PIAS4: variants seen among roughly 807,000 people sequenced by gnomAD.
PIAS4 encodes the protein E3 SUMO-protein ligase PIAS4.
Under a neutral mutation model 58.0 loss-of-function variants are expected in PIAS4, and 7 were observed. The observed-to-expected ratio is 0.12, with a 90% CI of 0.07 to 0.23. The LOEUF is 0.23. Among genes scored for constraint, PIAS4 ranks in the 10% least tolerant of loss-of-function variants. The pLI is 1.00. For synonymous variants in PIAS4, 364 were observed against 312.4 expected (o/e 1.17, Z -1.74); for missense variants, 550 against 709.5 (o/e 0.78, Z 2.55).
intron 3 of PIAS4, among the ~76,000 whole-genome samples, chr19:4,025,118 C>T (rs567310772): frequency 1.3e-5 from 2 of 152,300 alleles, no homozygotes; most frequent in Non-Finnish European, 2.9e-5. Context: ...CCCTCCATAC[C>T]GTGGATAGTG....
At chr19:4,036,067 A>G (rs1381019917) in intron 9 of PIAS4, among the ~76,000 whole-genome samples, 4 of 88,768 alleles carry the variant, frequency 4.5e-5, no homozygotes, top group African/African-American at 1.0e-4. Context: ...TACAGTCCAC[A>G]CTGTCACACA....
In PIAS4 at chr19:4,038,168, C is replaced by T. The variant is rs2040322878; in HGVS notation, c.*293C>T. 3 of 369,494 alleles carry T rather than the reference C, an allele frequency of 8.1e-6. No individual in the cohort carries two copies. The highest frequency in any genetic ancestry group is 9.8e-6 in the Non-Finnish European group (2 of 203,538). 22.9% of individuals were successfully genotyped at this position (369,494 alleles called of 1,614,324 possible). A position where few individuals can be genotyped will look rare whatever the true frequency, so the allele number is the denominator to read the frequency against. ...GCCGCCTCCCCGGCTGGAGTCCGAG[C>T]CGGGAAGGGGTAGTGGGCGGGAGGG... On this transcript the variant is annotated 3_prime_UTR_variant, in exon 11 of 11. Coordinates refer to ENST00000262971, the MANE Select transcript of PIAS4 (RefSeq NM_015897.4). This position sits in a 1 kb window ranked among gnomAD's most constrained non-coding sequence, Gnocchi z 4.1.
At position 4,028,536 on chromosome 19, in the gene PIAS4, C is replaced by A; in HGVS notation, c.608C>A (p.Pro203His). 1 of 1,612,988 alleles carries A rather than the reference C, an allele frequency of 6.2e-7. No homozygotes were observed. Among genetic ancestry groups the A allele is most frequent in the Non-Finnish European group, 8.5e-7 (1 of 1,179,884 alleles). ...ATCTGTTACTCAGACACCAGCTGCC[C>A]TCAGGAGGACCAGTACCCGCCCAAC... ...LRICYSDTSC[P>H]QEDQYPPNIA... Residue 203 changes from proline (P) to histidine (H), a missense_variant, in exon 5 of 11, where the codon CCT becomes CAT. This residue lies in a region of PIAS4 where 225 missense variants were observed against 345.8 expected (regional missense o/e 0.65). Transcript: ENST00000262971.
intron 3 of PIAS4, among the ~76,000 whole-genome samples, chr19:4,025,903 C>G (rs142255190): frequency 3.3e-5 from 5 of 151,836 alleles, no homozygotes; most frequent in African/African-American, 1.2e-4. Context: ...GAAACCCCGT[C>G]TCTACCAAAC....
At chr19:4,010,189 TC>T (rs1157130375) in intron 1 of PIAS4, among the ~76,000 whole-genome samples, 1 of 151,842 alleles carries the variant, frequency 6.6e-6, no homozygotes, top group African/African-American at 2.4e-5. Context: ...TGAATGCTTG[TC>T]CCCCCCGCAC....
At chr19:4,028,658 T>C (rs972536218) in intron 5 of PIAS4, 58 bp downstream of exon 5, 1 of 1,603,280 alleles carries the variant, frequency 6.2e-7, no homozygotes, top group Admixed American at 1.7e-5. Context: ...GGAGGGAGGG[T>C]GGGGGCCGTC....
At chr19:4,008,018 C>T (rs2039959722) in intron 1 of PIAS4, among the ~76,000 whole-genome samples, 1 of 151,404 alleles carries the variant, frequency 6.6e-6, no homozygotes, top group Non-Finnish European at 1.5e-5. Context: ...GGGTCGCTCC[C>T]CCGGCTTCAG....
At chr19:4,019,596 A>G (rs954172424) in intron 2 of PIAS4, among the ~76,000 whole-genome samples, 2 of 152,178 alleles carry the variant, frequency 1.3e-5, no homozygotes, top group Admixed American at 1.3e-4. Context: ...GCTCCCGTGC[A>G]GCCTCCCTGC....
intron 2 of PIAS4, among the ~76,000 whole-genome samples, chr19:4,021,828 C>G (rs143768259): frequency 5.6e-4 from 84 of 150,246 alleles, no homozygotes; most frequent in African/African-American, 2.0e-3. Flanking sequence ...TCACTGCAGC[C>G]TCCACTTCCT....
intron 3 of PIAS4, among the ~76,000 whole-genome samples, chr19:4,025,931 G>A (rs966859157): frequency 1.3e-5 from 2 of 151,454 alleles, no homozygotes; most frequent in Admixed American, 6.6e-5. Context: ...AAAATTAGCC[G>A]GGTGTGGTGA....
chr19:4,035,829 A>C (rs2040270478), intron 9 of PIAS4, among the ~76,000 whole-genome samples: 9 of 149,218 alleles, frequency 6.0e-5, no homozygotes, highest in Admixed American at 1.3e-4. Context: ...AGTCCACACC[A>C]TCACACACAC....
At chr19:4,009,696 C>T (rs1599212263) in intron 1 of PIAS4, among the ~76,000 whole-genome samples, 2 of 152,158 alleles carry the variant, frequency 1.3e-5, no homozygotes, top group East Asian at 3.9e-4. Context: ...CTCCAAGTAC[C>T]TTAAATGTCA....
intron 8 of PIAS4, 110 bp from the exon 9 acceptor site, chr19:4,033,310 T>C (rs2040241298): frequency 1.5e-6 from 2 of 1,320,564 alleles, no homozygotes; most frequent in Non-Finnish European, 2.1e-6. Context: ...TCCGTGTTCC[T>C]GAGGCATGAG....
In PIAS4 at chr19:4,028,496, T is replaced by C. The variant is rs760636057; in HGVS notation, c.582-14T>C. On this transcript the variant is annotated splice_polypyrimidine_tract_variant and intron_variant, in intron 4 of 10. Transcript: ENST00000262971. ...CGCCCCCTCCCCGCCCCATGGTCCC[T>C]GTTGTCGTTGCAGAATCTGTTACTC... is the stretch of plus-strand genomic sequence containing the variant. 2.5e-6 allele frequency: 4 copies of C among 1,601,300 alleles called. No individual in the cohort carries two copies. The South Asian group carries it at 4.4e-5, about 18-fold the overall frequency.
At chr19:4,022,352 T>G (rs1568215655) in intron 2 of PIAS4, among the ~76,000 whole-genome samples, 2 of 152,102 alleles carry the variant, frequency 1.3e-5, no homozygotes, top group Non-Finnish European at 1.5e-5. Flanking sequence ...TGTTGTTGTT[T>G]TTGGTGGTTT....
intron 2 of PIAS4, among the ~76,000 whole-genome samples, chr19:4,023,169 T>A: frequency 2.0e-5 from 2 of 98,914 alleles, no homozygotes; most frequent in Admixed American, 1.1e-4. Context: ...TGAAACAAAG[T>A]CTCAAAAAAA....
intron 9 of PIAS4, among the ~76,000 whole-genome samples, chr19:4,034,369 G>A (rs996836800): frequency 1.3e-4 from 20 of 152,178 alleles, no homozygotes; most frequent in African/African-American, 4.8e-4. Context: ...TTCATCCCCA[G>A]GTGGACCTCC....
rs201769712 is a variant in PIAS4, at chr19:4,025,669, A to ACCTCGTCTTTCTCAG, written c.539+1559_539+1573dup. ...TCTGCCTGGGTGACCCAAGGTGGCGACCTCGTCTTTCTCAGCCTCGTCTTC... is the reference window on the plus strand; with the variant it reads ...TCTGCCTGGGTGACCCAAGGTGGCGACCTCGTCTTTCTCAGCCTCGTCTTTCTCAGCCTCGTCTTC... On this transcript the variant is annotated intron_variant, in intron 3 of 10. Coordinates refer to ENST00000262971, the MANE Select transcript of PIAS4 (RefSeq NM_015897.4). Among the ~76,000 whole-genome samples, 40 of 22,332 alleles carry ACCTCGTCTTTCTCAG rather than the reference A, an allele frequency of 1.8e-3. 1 individual carries two copies. In the South Asian group the frequency reaches 0.025, roughly 14 times the overall value. 14.7% of individuals were successfully genotyped at this position (22,332 alleles called of 152,430 possible).
intron 3 of PIAS4, among the ~76,000 whole-genome samples, chr19:4,025,934 T>G (rs1363372698): frequency 6.6e-6 from 1 of 151,152 alleles, no homozygotes; most frequent in African/African-American, 2.4e-5. Flanking sequence ...ATTAGCCGGG[T>G]GTGGTGACGG....
Sources: gnomAD v4.1 joint callset for allele counts (sites outside exome capture counted in the v4.1 genomes callset) on GRCh38, gnomAD v4.1.1 for gene constraint, gnomAD v4.1.1 regional missense constraint, Gnocchi (gnomAD v3.1) non-coding constraint, MANE v1.5 for transcripts, NCBI Gene and HGNC (gene_info 2026-07-23, HGNC 2026-07-21) for gene names.